The following NIBAN3 variants were observed in gnomAD, a reference collection of about 807,000 sequenced individuals.
NIBAN3 encodes the protein protein Niban 3.
A neutral mutation model predicts 76.4 loss-of-function variants in NIBAN3; 66 were observed. The ratio of observed to expected loss-of-function variants is 0.86; its 90% confidence interval spans 0.71 to 1.06. The LOEUF (loss-of-function observed/expected upper bound fraction) is 1.06, where lower values mean the gene tolerates loss of function less well. NIBAN3 is among the 50% of genes least tolerant of loss of function. NIBAN3 has a pLI of 0.00. For synonymous variants in NIBAN3, 360 were observed against 355.2 expected (o/e 1.01, Z -0.15); for missense variants, 808 against 810.7 (o/e 1.00, Z 0.04).
chr19:17,540,056 C>A (rs1168109848), intron 8 of NIBAN3: 4 of 234,260 alleles, frequency 1.7e-5, no homozygotes, highest in East Asian at 8.0e-5. Context: ...GGGGCCTCAG[C>A]GGGGGATAGG....
At chr19:17,531,466 A>G (rs1481052606) in intron 2 of NIBAN3, among the ~76,000 whole-genome samples, 1 of 152,090 alleles carries the variant, frequency 6.6e-6, no homozygotes, top group Non-Finnish European at 1.5e-5. Context: ...TCCTGCGGTA[A>G]CCTCTGGGGT....
intron 14 of NIBAN3, chr19:17,549,819 TC>T (rs2076124953): frequency 4.1e-5 from 21 of 515,896 alleles, no homozygotes; most frequent in South Asian, 9.8e-5. Flanking sequence ...TCTCTCTCTC[TC>T]TCTCTCTTTT....
chr19:17,524,436 C>T (rs2075585986), upstream of NIBAN3, among the ~76,000 whole-genome samples: 1 of 127,362 alleles, frequency 7.9e-6, no homozygotes, highest in African/African-American at 3.7e-5. Context: ...CAGGCGCCCA[C>T]CACAACGCCC....
At chr19:17,534,645 G>C (rs1232978804) in intron 4 of NIBAN3, among the ~76,000 whole-genome samples, 2 of 152,084 alleles carry the variant, frequency 1.3e-5, no homozygotes, top group Admixed American at 6.6e-5. Context: ...CAAAAAATTA[G>C]CCAGTTGTGG....
chr19:17,532,393 G>A lies in NIBAN3; in HGVS notation c.312+5G>A, dbSNP rs776482265. 22 of 1,614,096 alleles carry A rather than the reference G, an allele frequency of 1.4e-5. No homozygotes were observed. The highest frequency in any genetic ancestry group is 5.3e-5 in the African/African-American group (4 of 74,952). On this transcript the variant is annotated splice_donor_5th_base_variant and intron_variant, in intron 3 of 14. Transcript: ENST00000599164. Reference sequence around the variant, plus strand: ...GAGTGGTTCAGCCACAAGGAGGTGCGTGATTGGCACGTGGCCTTTCTACTT... The same window carrying A: ...GAGTGGTTCAGCCACAAGGAGGTGCATGATTGGCACGTGGCCTTTCTACTT...
intron 1 of NIBAN3, among the ~76,000 whole-genome samples, chr19:17,530,113 A>C (rs185862179): frequency 1.3e-5 from 2 of 151,900 alleles, no homozygotes; most frequent in Non-Finnish European, 2.9e-5. Context: ...GGAGTTCAAG[A>C]CCAGCCTGAG....
At position 17,552,083 on chromosome 19, in the gene NIBAN3, T is replaced by TTA. The variant is rs1474349949; in HGVS notation, c.*186_*187insAT. The TTA allele has an allele frequency of 5.3e-6, 2 of 378,502 alleles. No homozygotes were observed. The highest frequency in any genetic ancestry group is 9.4e-6 in the Non-Finnish European group (2 of 211,852). The allele number at this position is 378,502 out of a possible 1,614,324, so 23.4% of individuals were successfully genotyped here. On this transcript the variant is annotated 3_prime_UTR_variant, in exon 15 of 15. Coordinates refer to ENST00000599164, the MANE Select transcript of NIBAN3 (RefSeq NM_001321827.2). ...CCCCAAGGCTTTCTTTATTTTAATTTTTTTTTTTTTTTTGAGACTGAGTCT... is the reference window on the plus strand; with the variant it reads ...CCCCAAGGCTTTCTTTATTTTAATTTTATTTTTTTTTTTTTGAGACTGAGTCT...
rs973802658 is a variant in NIBAN3, at chr19:17,540,421, C to T, written c.1009C>T (p.Leu337=). ...TATCAGGGGACCGCTCGAGTCGTGC[C>T]TGCGCCGGGAGGTGGACCCGCAGCT... ...TDIRGPLESC[L]RREVDPQLPR... Residue 337 remains leucine (L), a synonymous_variant, in exon 9 of 15, where the codon CTG becomes TTG. Coordinates refer to ENST00000599164, the MANE Select transcript of NIBAN3 (RefSeq NM_001321827.2). 2.6e-6 allele frequency: 4 copies of T among 1,523,800 alleles called. No individual in the cohort carries two copies. Among genetic ancestry groups the T allele is most frequent in the Middle Eastern group, 2.3e-4 (1 of 4,336 alleles). The allele number at this position is 1,523,800 out of a possible 1,614,324, so 94.4% of individuals were successfully genotyped here. A position where few individuals can be genotyped will look rare whatever the true frequency, so the allele number is the denominator to read the frequency against.
chr19:17,530,780 C>A lies in NIBAN3; in HGVS notation c.81C>A (p.Asn27Lys). Reference sequence around the variant, plus strand: ...GTCAGGTGGACACCCTGCTGAGGAACTTCCTGCCTTGCTACCGTGGGCAGC... The same window carrying A: ...GTCAGGTGGACACCCTGCTGAGGAAATTCCTGCCTTGCTACCGTGGGCAGC... ...LRGQVDTLLR[N>K]FLPCYRGQLA... The change falls in exon 2 of 15, where the codon AAC becomes AAA. Residue 27 changes from asparagine (N) to lysine (K), a missense_variant. By Grantham distance (94) the Asn-to-Lys change is moderately conservative. Transcript: ENST00000599164. 1.2e-6 allele frequency: 2 copies of A among 1,612,558 alleles called. No homozygotes were observed. Among genetic ancestry groups the A allele is most frequent in the Non-Finnish European group, 1.7e-6 (2 of 1,179,002 alleles).
chr19:17,548,088 G>A (rs554521973), intron 13 of NIBAN3, among the ~76,000 whole-genome samples: 1 of 152,296 alleles, frequency 6.6e-6, no homozygotes, highest in Admixed American at 6.5e-5. Context: ...AGGAGCTCCC[G>A]AGCTGGGAAG....
intron 2 of NIBAN3, among the ~76,000 whole-genome samples, chr19:17,531,232 C>T (rs147499779): frequency 0.06 from 9,032 of 151,538 alleles, 301 homozygotes; most frequent in African/African-American, 0.089. Context: ...GAGGCTGAGG[C>T]AGGAGAATCG....
chr19:17,547,336 G>A (rs1412102806), intron 13 of NIBAN3, among the ~76,000 whole-genome samples: 2 of 133,012 alleles, frequency 1.5e-5, no homozygotes, highest in African/African-American at 5.4e-5. Flanking sequence ...CCTGGCGACA[G>A]AACGAGACTA....
At position 17,542,965 on chromosome 19, in the gene NIBAN3, T is replaced by C. The variant is rs1426413740; in HGVS notation, c.1330-352T>C. Among the ~76,000 whole-genome samples, 1 of 151,580 alleles carries C rather than the reference T, an allele frequency of 6.6e-6. No homozygotes were observed. The highest frequency in any genetic ancestry group is 2.4e-5 in the African/African-American group (1 of 41,196). Reference sequence around the variant, plus strand: ...CATGGTGACAGAAGAAGACAGAGAGTGAGATGATCCAGCACTACCTGGCAC... The same window carrying C: ...CATGGTGACAGAAGAAGACAGAGAGCGAGATGATCCAGCACTACCTGGCAC... On this transcript the variant is annotated intron_variant, in intron 10 of 14. Coordinates refer to ENST00000599164, the MANE Select transcript of NIBAN3 (RefSeq NM_001321827.2). This position sits in a 1 kb window ranked among gnomAD's most constrained non-coding sequence, Gnocchi z 4.8.
chr19:17,553,755 C>T, downstream of NIBAN3: 1 of 601,426 alleles, frequency 1.7e-6, no homozygotes, highest in Non-Finnish European at 3.0e-6. Context: ...ACATTGTTTG[C>T]CCTTGGGTCT....
At chr19:17,550,674 A>G (rs1238853891) in intron 14 of NIBAN3, among the ~76,000 whole-genome samples, 1 of 152,020 alleles carries the variant, frequency 6.6e-6, no homozygotes, top group Non-Finnish European at 1.5e-5. Flanking sequence ...TCAAAAACAC[A>G]AACTAACAAA....
At position 17,542,160 on chromosome 19, in the gene NIBAN3, T is replaced by G. The variant is rs1417876477; in HGVS notation, c.1195T>G (p.Trp399Gly). 1 of 1,614,054 alleles carries G rather than the reference T, an allele frequency of 6.2e-7. No individual in the cohort carries two copies. Among genetic ancestry groups the G allele is most frequent in the East Asian group, 2.2e-5 (1 of 44,860 alleles). The change falls in exon 10 of 15, where the codon TGG (tryptophan) becomes GGG (glycine). Residue 399 changes from tryptophan to glycine, a missense_variant. Coordinates refer to ENST00000599164, the MANE Select transcript of NIBAN3 (RefSeq NM_001321827.2). This position sits in a 1 kb window ranked among gnomAD's most constrained non-coding sequence, Gnocchi z 4.8. ...GGTTTACTCATTTGGGGAGATGCCGTGGGACTTGGCGCTGATGCAGACATG... is the reference window on the plus strand; with the variant it reads ...GGTTTACTCATTTGGGGAGATGCCGGGGGACTTGGCGCTGATGCAGACATG... ...REVYSFGEMP[W>G]DLALMQTCYR...
rs1353979927 is a variant in NIBAN3 at position 17,553,100 on chromosome 19, A to C, written c.*1202A>C. 2 of 664,750 alleles carry C rather than the reference A, an allele frequency of 3.0e-6. No homozygotes were observed. Among genetic ancestry groups the C allele is most frequent in the Admixed American group, 3.8e-5 (1 of 26,090 alleles). The allele number at this position is 664,750 out of a possible 1,614,324, so 41.2% of individuals were successfully genotyped here. A position where few individuals can be genotyped will look rare whatever the true frequency, so the allele number is the denominator to read the frequency against. ...CAAAAAACAAAATCCAAATATGTTG[A>C]TTAGCCATTTACATGTTTGTAGTTT... On this transcript the variant is annotated 3_prime_UTR_variant, in exon 15 of 15. Transcript: ENST00000599164.
rs2075741354 is a variant in NIBAN3, at chr19:17,532,268, G to T, written c.192G>T (p.Leu64=). 6.2e-7 allele frequency: 1 copy of T among 1,609,340 alleles called. No homozygotes were observed. The highest frequency in any genetic ancestry group is 8.5e-7 in the Non-Finnish European group (1 of 1,177,134). Residue 64 remains leucine, a synonymous_variant, in exon 3 of 15, where the codon CTG becomes CTT. Transcript: ENST00000599164. ...ACTGCTCCCTCTTTCTGCAGAAGCT[G>T]CCCCGAGTCCGTGAGCACCGAGGAC... ...TGSQLLRSKK[L]PRVREHRGPL...
chr19:17,524,139 C>T (rs573850638), upstream of NIBAN3, among the ~76,000 whole-genome samples: 6 of 151,946 alleles, frequency 3.9e-5, no homozygotes, highest in Non-Finnish European at 8.8e-5. Flanking sequence ...GATCCACTTG[C>T]CTCAACCTCC....
Sources: gnomAD v4.1 joint callset for allele counts (sites outside exome capture counted in the v4.1 genomes callset) on GRCh38, gnomAD v4.1.1 for gene constraint, Gnocchi (gnomAD v3.1) non-coding constraint, MANE v1.5 for transcripts, NCBI Gene and HGNC (gene_info 2026-07-23, HGNC 2026-07-21) for gene names.